RABGEF1: variants seen among roughly 807,000 people sequenced by gnomAD.
RABGEF1 encodes the protein rab5 GDP/GTP exchange factor.
A neutral mutation model predicts 57.3 loss-of-function variants in RABGEF1; 26 were observed. The ratio of observed to expected loss-of-function variants is 0.45; its 90% confidence interval spans 0.33 to 0.63. RABGEF1 has a LOEUF of 0.63. Ranked by LOEUF, RABGEF1 falls within the 20% of genes least tolerant of loss-of-function variation. The pLI, the probability that RABGEF1 is intolerant of heterozygous loss-of-function variation, is 0.02. For synonymous variants in RABGEF1, 185 were observed against 210.7 expected (o/e 0.88, Z 1.06); for missense variants, 464 against 607.6 (o/e 0.76, Z 2.48).
chr7:66,775,025 G>T (rs768183208), intron 2 of RABGEF1, among the ~76,000 whole-genome samples: 1 of 152,192 alleles, frequency 6.6e-6, no homozygotes, highest in East Asian at 1.9e-4. Context: ...AGCTGAATGA[G>T]TATGAGAAGA....
the RABGEF1 span, among the ~76,000 whole-genome samples, chr7:66,660,757 G>A: frequency 3.3e-5 from 5 of 152,210 alleles, 1 homozygote; most frequent in African/African-American, 1.2e-4. Flanking sequence ...GACATTTAAC[G>A]AAAATTAATG....
At chr7:66,756,269 T>TA (rs1351283132) in intron 1 of RABGEF1, among the ~76,000 whole-genome samples, 1 of 152,198 alleles carries the variant, frequency 6.6e-6, no homozygotes. Context: ...GACAAAAAAT[T>TA]AAAGTTCGAT....
At chr7:66,785,883 A>G (rs573438940) in intron 4 of RABGEF1, among the ~76,000 whole-genome samples, 1 of 152,248 alleles carries the variant, frequency 6.6e-6, no homozygotes, top group South Asian at 2.1e-4. Context: ...GGGGGGGAAA[A>G]AAAAAAAGTC....
intron 2 of RABGEF1, chr7:66,773,863 A>G (rs191778728): frequency 2.2e-4 from 90 of 417,638 alleles, no homozygotes; most frequent in African/African-American, 1.7e-3. Context: ...ACAGGGTTTC[A>G]CCATGTTGCC....
chr7:66,732,888 C>T (rs1037462876), intron 2 of RABGEF1, among the ~76,000 whole-genome samples: 1 of 152,210 alleles, frequency 6.6e-6, no homozygotes. Flanking sequence ...GCACCAGCCT[C>T]TGCCAGAATT....
At chr7:66,716,082 G>A (rs763408681) in intron 2 of RABGEF1, among the ~76,000 whole-genome samples, 1 of 152,100 alleles carries the variant, frequency 6.6e-6, no homozygotes, top group Non-Finnish European at 1.5e-5. Flanking sequence ...CTCAAGTTCT[G>A]TCAGTTTTGC....
chr7:66,700,511 A>AAGGGGAGTTGGGGG (rs1793092571), intron 1 of RABGEF1, among the ~76,000 whole-genome samples: 1 of 79,006 alleles, frequency 1.3e-5, no homozygotes, highest in East Asian at 5.5e-4. Flanking sequence ...GGGGAGGGGA[A>AAGGGGAGTTGGGGG]AGGGGAGTTG....
intron 5 of RABGEF1, among the ~76,000 whole-genome samples, chr7:66,796,455 T>C (rs908998602): frequency 6.6e-6 from 1 of 152,226 alleles, no homozygotes; most frequent in African/African-American, 2.4e-5. Flanking sequence ...CTTTGTAATG[T>C]AGGACAGGGA....
chr7:66,705,129 G>A (rs939608327), intron 1 of RABGEF1, among the ~76,000 whole-genome samples: 10 of 152,184 alleles, frequency 6.6e-5, no homozygotes, highest in Admixed American at 3.3e-4. Context: ...GGCCGGGCGC[G>A]GTGGCTCATG....
In RABGEF1 at chr7:66,809,297, GGA is replaced by G. The variant is rs1562896956; in HGVS notation, c.*17_*18del. On this transcript the variant is annotated 3_prime_UTR_variant, in exon 9 of 9. Transcript: ENST00000284957. ...TTATGCAGGATGATCACAATTTAGT[GGA>G]GAGTATTTATTTGAGCCTAAATTGT... 1 of 1,593,318 alleles carries G rather than the reference GGA, an allele frequency of 6.3e-7. No homozygotes were observed. Among genetic ancestry groups the G allele is most frequent in the Admixed American group, 1.7e-5 (1 of 57,824 alleles).
rs1801785086 is a variant in RABGEF1, at chr7:66,752,989, T to C, written c.-18+12197T>C. On this transcript the variant is annotated intron_variant, in intron 1 of 8. Coordinates refer to ENST00000284957, the MANE Select transcript of RABGEF1 (RefSeq NM_014504.3). The stretch of plus-strand genomic sequence containing the variant: ...TGAGCACCTCCTCAGTTCCTGGCAC[T>C]GTGCTAAGTGGCTAAGAGCATGGGG... 2.6e-5 allele frequency among the ~76,000 whole-genome samples: 4 copies of C among 152,342 alleles called. No homozygotes were observed. The South Asian group carries it at 8.3e-4, about 32-fold the overall frequency.
chr7:66,693,361 A>G (rs913628526), intron 1 of RABGEF1, among the ~76,000 whole-genome samples: 3 of 152,086 alleles, frequency 2.0e-5, no homozygotes, highest in African/African-American at 7.2e-5. Flanking sequence ...CTGTTGCACA[A>G]ACTCCGTCTC....
chr7:66,740,494 C>G (rs1798646754), upstream of RABGEF1: 1 of 152,368 alleles, frequency 6.6e-6, no homozygotes, highest in South Asian at 2.1e-4. Flanking sequence ...GCCGGTTTCT[C>G]CGGGGCTCCC....
intron 1 of RABGEF1, among the ~76,000 whole-genome samples, chr7:66,698,427 T>C (rs1337686643): frequency 3.9e-5 from 6 of 152,030 alleles, no homozygotes; most frequent in African/African-American, 1.4e-4. Context: ...GAGTGCAAGG[T>C]CCCCACCCAC....
chr7:66,735,794 C>G (rs1190463364), upstream of RABGEF1, among the ~76,000 whole-genome samples: 1 of 152,188 alleles, frequency 6.6e-6, no homozygotes, highest in African/African-American at 2.4e-5. Context: ...GCTTCCTGTA[C>G]AGCCTCCAGA....
Position 66,775,268 on chromosome 7 carries a change from G to C in RABGEF1, c.221G>C (p.Ser74Thr), listed in dbSNP as rs1309792374. The change falls in exon 3 of 9, where the codon AGC becomes ACC. Residue 74 changes from serine (S) to threonine (T), a missense_variant. Ser to Thr is a moderately conservative substitution (Grantham distance 58). Transcript: ENST00000284957. Reference protein sequence around the residue: ...EEEEAFASSQSSQGAQSLTFS... With the variant: ...EEEEAFASSQTSQGAQSLTFS... ...GAAGAGGCCTTTGCCAGCAGTCAGA[G>C]CAGCCAAGGGGCCCAATCCCTCACA... 1.9e-6 allele frequency: 3 copies of C among 1,613,768 alleles called. No individual in the cohort carries two copies. In the Admixed American group the frequency reaches 5.0e-5, roughly 27 times the overall value.
intron 2 of RABGEF1, among the ~76,000 whole-genome samples, chr7:66,716,775 C>T (rs908337231): frequency 2.6e-5 from 4 of 152,002 alleles, no homozygotes; most frequent in Non-Finnish European, 5.9e-5. Context: ...TCTGTTTGCT[C>T]TCTTTTGTTT....
At chr7:66,752,670 C>T (rs1182881028) in intron 1 of RABGEF1, among the ~76,000 whole-genome samples, 1 of 152,158 alleles carries the variant, frequency 6.6e-6, no homozygotes, top group African/African-American at 2.4e-5. Flanking sequence ...AGCAGTATCA[C>T]CTGGAAACTT....
At chr7:66,693,362 A>T (rs746979157) in intron 1 of RABGEF1, among the ~76,000 whole-genome samples, 1 of 151,864 alleles carries the variant, frequency 6.6e-6, no homozygotes, top group African/African-American at 2.4e-5. Context: ...TGTTGCACAA[A>T]CTCCGTCTCT....
Sources: allele counts gnomAD v4.1 joint callset (sites outside exome capture counted in the v4.1 genomes callset), GRCh38; gene constraint gnomAD v4.1.1; transcripts MANE v1.5; gene names NCBI Gene and HGNC (gene_info 2026-07-23, HGNC 2026-07-21).